The following SLC25A48 variants were observed in gnomAD, a reference collection of about 807,000 sequenced individuals.
SLC25A48 encodes CTC-321K16.1.
A neutral mutation model predicts 32.2 loss-of-function variants in SLC25A48; 29 were observed. The observed-to-expected ratio is 0.90, with a 90% CI of 0.67 to 1.23. The LOEUF is 1.23. Among genes scored for constraint, SLC25A48 ranks in the 50% most tolerant of loss-of-function variants. SLC25A48 has a pLI of 0.00. For missense variants in SLC25A48, 399 were observed against 422.7 expected (o/e 0.94, Z 0.49); for synonymous variants, 164 against 172.3 (o/e 0.95, Z 0.38).
intron 3 of SLC25A48, among the ~76,000 whole-genome samples, chr5:135,812,087 A>G (rs1757601034): frequency 6.6e-6 from 1 of 152,156 alleles, no homozygotes; most frequent in African/African-American, 2.4e-5. Flanking sequence ...GTCTCAAAAA[A>G]AATAAATAAA....
At chr5:135,879,152 C>G (rs1762257034) in intron 6 of SLC25A48, among the ~76,000 whole-genome samples, 1 of 152,126 alleles carries the variant, frequency 6.6e-6, no homozygotes, top group African/African-American at 2.4e-5. Flanking sequence ...ATCAGCTCAT[C>G]AGCACAGGCC....
In SLC25A48 at chr5:135,611,874, G is replaced by A. The variant is rs989253656; in HGVS notation, c.-848-17363G>A. ...AATATGATTTCATGCAATAAGGCATGGAACCCAACAAAAGACACAGCTGTT... is the reference window on the plus strand; with the variant it reads ...AATATGATTTCATGCAATAAGGCATAGAACCCAACAAAAGACACAGCTGTT... On this transcript the variant is annotated intron_variant, in intron 1 of 10. Coordinates refer to the SLC25A48 transcript ENST00000646290. Among the ~76,000 whole-genome samples the A allele has an allele frequency of 5.9e-5, 9 of 152,290 alleles. No individual in the cohort carries two copies. In the East Asian group the frequency reaches 1.7e-3, roughly 29 times the overall value.
intron 3 of SLC25A48, among the ~76,000 whole-genome samples, chr5:135,641,035 G>C (rs751075887): frequency 1.2e-4 from 18 of 152,170 alleles, no homozygotes; most frequent in Non-Finnish European, 2.1e-4. Context: ...ATATAAATTG[G>C]AAAGAAATAG....
Position 135,883,096 on chromosome 5 carries a change from G to A in SLC25A48, c.*7+2999G>A, listed in dbSNP as rs557619934. On this transcript the variant is annotated intron_variant, in intron 7 of 7. Transcript: ENST00000681962. ...CCATTAACAGGTCAATGCTAAAAGT[G>A]TCTGCAGAACCCATGATGTGAATTT... 18 of 985,450 alleles carry A rather than the reference G, an allele frequency of 1.8e-5. 1 individual carries two copies. The South Asian group carries it at 6.6e-4, about 36-fold the overall frequency. The allele number at this position is 985,450 out of a possible 1,614,324, so 61.0% of individuals were successfully genotyped here.
In SLC25A48 at chr5:135,871,704, C is replaced by A. The variant is rs746689224; in HGVS notation, c.665C>A (p.Ala222Glu). Reference protein sequence around the residue: ...TGPSPCAVWLAGGMAGAISWG... With the variant: ...TGPSPCAVWLEGGMAGAISWG... ...CCCAGCCCCTGTGCCGTGTGGCTGGCGGGCGGCATGGCAGGTAAGGGCAGC... is the reference window on the plus strand; with the variant it reads ...CCCAGCCCCTGTGCCGTGTGGCTGGAGGGCGGCATGGCAGGTAAGGGCAGC... Residue 222 changes from alanine (A) to glutamate (E), a missense_variant, in exon 5 of 8, where the codon GCG (alanine) becomes GAG (glutamate). Coordinates refer to ENST00000681962, the MANE Select transcript of SLC25A48 (RefSeq NM_001349336.2). 3.1e-6 allele frequency: 5 copies of A among 1,613,444 alleles called. No individual in the cohort carries two copies. Among genetic ancestry groups the A allele is most frequent in the Non-Finnish European group, 4.2e-6 (5 of 1,179,616 alleles).
intron 4 of SLC25A48, among the ~76,000 whole-genome samples, chr5:135,858,098 A>ATTGG (rs1453099730): frequency 1.3e-5 from 2 of 149,060 alleles, no homozygotes; most frequent in Non-Finnish European, 3.0e-5. Flanking sequence ...CAGGTTGTTT[A>ATTGG]TTTGTCTGTG....
chr5:135,665,859 T>A (rs982856876), intron 3 of SLC25A48, among the ~76,000 whole-genome samples: 2 of 152,118 alleles, frequency 1.3e-5, no homozygotes, highest in African/African-American at 4.8e-5. Flanking sequence ...AAATGTGGGC[T>A]CTTTCTCTCC....
chr5:135,655,837 A>G (rs1273336004), intron 3 of SLC25A48, among the ~76,000 whole-genome samples: 1 of 152,182 alleles, frequency 6.6e-6, no homozygotes, highest in African/African-American at 2.4e-5. Context: ...TGGGTGTTCT[A>G]TTATTGCTCT....
At chr5:135,885,507 C>A (rs986847694) in intron 7 of SLC25A48, among the ~76,000 whole-genome samples, 2 of 152,198 alleles carry the variant, frequency 1.3e-5, no homozygotes, top group Admixed American at 1.3e-4. Context: ...GCTTCTCTCT[C>A]TCTCTCCCCT....
upstream of SLC25A48, among the ~76,000 whole-genome samples, chr5:135,834,218 G>T (rs1758320496): frequency 6.6e-6 from 1 of 152,178 alleles, no homozygotes; most frequent in African/African-American, 2.4e-5. Flanking sequence ...GACAGTGTAG[G>T]GTGAGCCAGG....
At chr5:135,632,609 T>C (rs1195109563) in intron 2 of SLC25A48, among the ~76,000 whole-genome samples, 1 of 152,192 alleles carries the variant, frequency 6.6e-6, no homozygotes, top group Non-Finnish European at 1.5e-5. Flanking sequence ...TCTTCTCTAT[T>C]GTAAAAAACA....
At chr5:135,693,724 G>T (rs1388655815) in intron 3 of SLC25A48, among the ~76,000 whole-genome samples, 1 of 152,210 alleles carries the variant, frequency 6.6e-6, no homozygotes, top group Non-Finnish European at 1.5e-5. Flanking sequence ...TCCTGGCTTT[G>T]CAGCAACCTG....
intron 2 of SLC25A48, among the ~76,000 whole-genome samples, chr5:135,633,633 G>A (rs1431612086): frequency 6.6e-6 from 1 of 151,958 alleles, no homozygotes; most frequent in Admixed American, 6.6e-5. Context: ...CTTTCTTGTG[G>A]CAGCCCAAGC....
At chr5:135,796,668 C>T (rs531929003) in intron 3 of SLC25A48, among the ~76,000 whole-genome samples, 11 of 146,270 alleles carry the variant, frequency 7.5e-5, no homozygotes, top group Admixed American at 1.4e-4. Flanking sequence ...CCCCATATCC[C>T]GGGGGGTGTA....
At chr5:135,884,643 C>T (rs950009867) in intron 7 of SLC25A48, among the ~76,000 whole-genome samples, 12 of 152,104 alleles carry the variant, frequency 7.9e-5, no homozygotes, top group Non-Finnish European at 1.5e-4. Context: ...ACGGAGGATG[C>T]GAGTGAAGAG....
chr5:135,751,644 G>A (rs1755773273), intron 3 of SLC25A48, among the ~76,000 whole-genome samples: 1 of 152,100 alleles, frequency 6.6e-6, no homozygotes, highest in Admixed American at 6.6e-5. Context: ...GAACAGCCTG[G>A]GCAACATAGT....
At chr5:135,773,979 A>G (rs1302780118) in intron 3 of SLC25A48, among the ~76,000 whole-genome samples, 2 of 151,756 alleles carry the variant, frequency 1.3e-5, no homozygotes, top group African/African-American at 2.4e-5. Flanking sequence ...TATTGTTTCT[A>G]ATATCCAAGG....
intron 3 of SLC25A48, among the ~76,000 whole-genome samples, chr5:135,656,003 G>A (rs1007884900): frequency 1.3e-5 from 2 of 152,138 alleles, no homozygotes; most frequent in South Asian, 2.1e-4. Flanking sequence ...CGTTTGCCAC[G>A]TTGACTCATG....
Position 135,852,611 on chromosome 5 carries a change from G to A in SLC25A48, c.211G>A (p.Val71Ile). The A allele has an allele frequency of 2.5e-6, 4 of 1,609,448 alleles. No individual in the cohort carries two copies. The highest frequency in any genetic ancestry group is 2.2e-5 in the South Asian group (2 of 90,984). ...GTCCTTCCCCCTCGCCAGCATTGCC[G>A]TCTACAACTCCGTGGTGTTTGGGGT... ...GMSFPLASIA[V>I]YNSVVFGVFS... is the part of the protein sequence containing the mutation. Residue 71 changes from valine (V) to isoleucine (I), a missense_variant, in exon 4 of 8, where the codon GTC becomes ATC. By Grantham distance (29) the Val-to-Ile change is conservative. Transcript: ENST00000681962.
Sources: gnomAD v4.1 joint callset for allele counts (sites outside exome capture counted in the v4.1 genomes callset) on GRCh38, gnomAD v4.1.1 for gene constraint, MANE v1.5 for transcripts, NCBI Gene and HGNC (gene_info 2026-07-23, HGNC 2026-07-21) for gene names.